NAALADL2: variants seen among roughly 807,000 people sequenced by gnomAD.
NAALADL2 encodes the protein N-acetylated alpha-linked acidic dipeptidase like 2.
Under a neutral mutation model 87.2 loss-of-function variants are expected in NAALADL2, and 76 were observed. That is an observed-to-expected ratio of 0.87 (90% CI 0.72 to 1.05). The LOEUF (loss-of-function observed/expected upper bound fraction) is 1.05, where lower values mean the gene tolerates loss of function less well. Among genes scored for constraint, NAALADL2 ranks in the 50% least tolerant of loss-of-function variants. NAALADL2 has a pLI of 0.00. For missense variants in NAALADL2, 1,089 were observed against 945.8 expected (o/e 1.15, Z -1.99); for synonymous variants, 354 against 331.0 (o/e 1.07, Z -0.75).
At chr3:175,481,143 G>C (rs1726399418) in intron 9 of NAALADL2, among the ~76,000 whole-genome samples, 1 of 151,836 alleles carries the variant, frequency 6.6e-6, no homozygotes, top group Non-Finnish European at 1.5e-5. Context: ...AGTGAATGTA[G>C]ATGAACAATA....
intron 1 of NAALADL2, among the ~76,000 whole-genome samples, chr3:174,945,833 G>T (rs1739323195): frequency 6.6e-6 from 1 of 151,996 alleles, no homozygotes; most frequent in Admixed American, 6.6e-5. Context: ...AGATCGTGAA[G>T]TCAGGAGATC....
intron 11 of NAALADL2, among the ~76,000 whole-genome samples, chr3:175,726,483 C>T (rs1298267889): frequency 6.6e-6 from 1 of 152,132 alleles, no homozygotes; most frequent in East Asian, 1.9e-4. Context: ...CAATACACTG[C>T]TCCCTTGCCC....
rs147778340 is a variant in NAALADL2 at position 174,778,547 on chromosome 3, T to G, written c.-9+40801T>G. On this transcript the variant is annotated intron_variant, in intron 3 of 3. Transcript: ENST00000434257. ...GTGCAGAACGTGCAGGTTTGTTACA[T>G]GGGTATACATGTGCCATGGTGGTTT... Among the ~76,000 whole-genome samples the G allele has an allele frequency of 4.2e-4, 64 of 152,166 alleles. 1 individual carries two copies. The East Asian group carries it at 0.011, about 26-fold the overall frequency.
intron 3 of NAALADL2, among the ~76,000 whole-genome samples, chr3:174,781,277 G>T (rs1419848042): frequency 9.2e-5 from 14 of 151,766 alleles, no homozygotes; most frequent in African/African-American, 3.1e-4. Context: ...TCTTCTTGAG[G>T]AGTATCTTTG....
chr3:175,368,961 G>A (rs1352241015), intron 5 of NAALADL2, among the ~76,000 whole-genome samples: 1 of 152,116 alleles, frequency 6.6e-6, no homozygotes, highest in African/African-American at 2.4e-5. Context: ...GGGAGTAGAA[G>A]TTGCTCTGGG....
rs562636553 is a variant in NAALADL2, at chr3:174,719,842, G to A, written c.-114-17799G>A. ...TGGAGTCTTGCTCTGTTGCCAGCCT[G>A]GAGTGGAGTGCCAGCCTGGAGCGAT... On this transcript the variant is annotated intron_variant, in intron 2 of 3. Coordinates refer to the NAALADL2 transcript ENST00000434257. Among the ~76,000 whole-genome samples the A allele has an allele frequency of 2.6e-5, 4 of 152,258 alleles. No homozygotes were observed. The South Asian group carries it at 8.3e-4, about 32-fold the overall frequency.
At chr3:174,889,824 AATTCT>A (rs1730649830) in intron 1 of NAALADL2, among the ~76,000 whole-genome samples, 1 of 152,186 alleles carries the variant, frequency 6.6e-6, no homozygotes, top group South Asian at 2.1e-4. Context: ...ATTATATGAG[AATTCT>A]GTCAAATGGG....
At chr3:174,715,894 T>C (rs960710011) in intron 2 of NAALADL2, among the ~76,000 whole-genome samples, 1 of 152,126 alleles carries the variant, frequency 6.6e-6, no homozygotes. Flanking sequence ...ATCTGCAATT[T>C]TTCTAAGAAA....
chr3:175,445,916 G>A (rs1184577525), intron 5 of NAALADL2, among the ~76,000 whole-genome samples: 1 of 152,018 alleles, frequency 6.6e-6, no homozygotes. Flanking sequence ...TCTGCTGACC[G>A]CCTGCCATCA....
intron 11 of NAALADL2, among the ~76,000 whole-genome samples, chr3:175,728,051 G>A (rs1009444513): frequency 3.3e-5 from 5 of 152,114 alleles, no homozygotes; most frequent in African/African-American, 1.2e-4. Context: ...GCTTTACTAA[G>A]ACACTTTTAC....
chr3:174,519,834 A>C (rs189611527), intron 1 of NAALADL2, among the ~76,000 whole-genome samples: 5 of 152,174 alleles, frequency 3.3e-5, no homozygotes, highest in Non-Finnish European at 7.4e-5. Context: ...ATCAAAAGGA[A>C]TATACCTCAA....
chr3:174,927,178 C>T (rs1290176709), intron 1 of NAALADL2, among the ~76,000 whole-genome samples: 1 of 152,126 alleles, frequency 6.6e-6, no homozygotes, highest in Non-Finnish European at 1.5e-5. Context: ...TATATATGCA[C>T]CCAATACAGG....
intron 6 of NAALADL2, among the ~76,000 whole-genome samples, chr3:175,455,353 C>A (rs73884405): frequency 0.014 from 2,154 of 152,056 alleles, 39 homozygotes; most frequent in African/African-American, 0.048. Context: ...AGAAAATATG[C>A]AGCAAAGATA....
At chr3:175,755,741 A>G (rs1217446498) in intron 13 of NAALADL2, among the ~76,000 whole-genome samples, 2 of 150,430 alleles carry the variant, frequency 1.3e-5, no homozygotes, top group African/African-American at 5.0e-5. Context: ...TTTCTTGACC[A>G]GATCAGGGGA....
intron 9 of NAALADL2, among the ~76,000 whole-genome samples, chr3:175,495,681 C>T (rs2149355764): frequency 6.6e-6 from 1 of 152,192 alleles, no homozygotes; most frequent in African/African-American, 2.4e-5. Flanking sequence ...CCAGATGAAT[C>T]ATTTACCACT....
chr3:175,795,208 T>C (rs2108313810), intron 13 of NAALADL2, among the ~76,000 whole-genome samples: 1 of 152,352 alleles, frequency 6.6e-6, no homozygotes, highest in African/African-American at 2.4e-5. Context: ...GACTTTGGTT[T>C]CTGTTTTATG....
chr3:175,447,343 C>T lies in NAALADL2; in HGVS notation c.1205C>T (p.Ala402Val), dbSNP rs370137851. ...CCAAAAGCTAGAACCAAAAATGAAG[C>T]GTGTAGCTCTCTAGAGCTTCCAAAT... ...SSPKARTKNEACSSLELPNNE... is the reference protein window; with the variant it reads ...SSPKARTKNEVCSSLELPNNE... The change falls in exon 6 of 14, where the codon GCG (alanine) becomes GTG (valine). Residue 402 changes from alanine to valine, a missense_variant. By Grantham distance (64) the Ala-to-Val change is moderately conservative. Coordinates refer to ENST00000454872, the MANE Select transcript of NAALADL2 (RefSeq NM_207015.3). The T allele has an allele frequency of 2.0e-5, 32 of 1,594,216 alleles. No individual in the cohort carries two copies. In the East Asian group the frequency reaches 2.0e-4, roughly 10 times the overall value.
At chr3:174,495,046 A>G (rs1027487826) in intron 1 of NAALADL2, among the ~76,000 whole-genome samples, 16 of 152,160 alleles carry the variant, frequency 1.1e-4, no homozygotes, top group Non-Finnish European at 2.2e-4. Flanking sequence ...AGTGAATGTA[A>G]TAGTGTTATT....
chr3:175,507,522 A>C (rs1560673433), intron 9 of NAALADL2, among the ~76,000 whole-genome samples: 1 of 152,122 alleles, frequency 6.6e-6, no homozygotes, highest in South Asian at 2.1e-4. Context: ...TCCCAGGTTC[A>C]AGTGATTCTC....
Sources: gnomAD v4.1 joint callset for allele counts (sites outside exome capture counted in the v4.1 genomes callset) on GRCh38, gnomAD v4.1.1 for gene constraint, MANE v1.5 for transcripts, NCBI Gene and HGNC (gene_info 2026-07-23, HGNC 2026-07-21) for gene names.